IL17RD: variants seen among roughly 807,000 people sequenced by gnomAD.
IL17RD encodes interleukin 17 receptor D, also known as interleukin-17 receptor D.
IL17RD carries 52 observed loss-of-function variants against 80.5 expected under a neutral mutation model. That is an observed-to-expected ratio of 0.65 (90% CI 0.52 to 0.81). IL17RD has a LOEUF of 0.81. IL17RD is among the 40% of genes least tolerant of loss of function. The pLI is 0.00. For synonymous variants in IL17RD, 416 were observed against 391.8 expected (o/e 1.06, Z -0.73); for missense variants, 1,024 against 955.1 (o/e 1.07, Z -0.95).
At chr3:57,134,759 G>A (rs549807795) in intron 1 of IL17RD, 189 of 506,528 alleles carry the variant, frequency 3.7e-4, no homozygotes, top group African/African-American at 3.4e-3. Context: ...TGGCCTCAGC[G>A]ATTACGTAGA....
In IL17RD at chr3:57,090,847, A is replaced by C. The variant is rs942834752; in HGVS notation, c.*5546T>G. ...CTGAATCTTCCTGAAATTTTATAGG[A>C]TATAAACATCAGATATGCAGTCATA... On this transcript the variant is annotated 3_prime_UTR_variant, in exon 13 of 13. Coordinates refer to ENST00000296318, the MANE Select transcript of IL17RD (RefSeq NM_017563.5). The C allele has an allele frequency of 2.6e-5, 4 of 152,244 alleles. No individual in the cohort carries two copies. Among genetic ancestry groups the C allele is most frequent in the Non-Finnish European group, 5.9e-5 (4 of 68,044 alleles). 9.4% of individuals were successfully genotyped at this position (152,244 alleles called of 1,614,324 possible).
chr3:57,139,723 G>A (rs1330181729), intron 1 of IL17RD, among the ~76,000 whole-genome samples: 1 of 152,086 alleles, frequency 6.6e-6, no homozygotes, highest in Admixed American at 6.6e-5. Context: ...ATGTTGGCCA[G>A]GCTGGCCTTG....
At chr3:57,105,501 C>G (rs1396279561) in intron 7 of IL17RD, among the ~76,000 whole-genome samples, 1 of 120,772 alleles carries the variant, frequency 8.3e-6, no homozygotes, top group African/African-American at 3.2e-5. Context: ...CACACCACTG[C>G]ACTCCAGCCT....
Position 57,113,011 on chromosome 3 carries a change from T to C in IL17RD, c.310+1681A>G, listed in dbSNP as rs150692740. Among the ~76,000 whole-genome samples the C allele has an allele frequency of 1.7e-3, 261 of 152,296 alleles. 2 individuals are homozygous for C. The highest frequency in any genetic ancestry group is 6.2e-3 in the African/African-American group (256 of 41,560). On this transcript the variant is annotated intron_variant, in intron 3 of 12. Coordinates refer to ENST00000296318, the MANE Select transcript of IL17RD (RefSeq NM_017563.5). ...ATCTCCCCTCTACAGATTGGGAAGCTGGGGTTCAGTGAGGTTCAATGCCTC... is the reference window on the plus strand; with the variant it reads ...ATCTCCCCTCTACAGATTGGGAAGCCGGGGTTCAGTGAGGTTCAATGCCTC...
chr3:57,116,238 G>T (rs1322561361), intron 2 of IL17RD, among the ~76,000 whole-genome samples: 1 of 150,220 alleles, frequency 6.7e-6, no homozygotes, highest in Admixed American at 6.6e-5. Flanking sequence ...ACTCAACTCC[G>T]TCAGCTTCAA....
At chr3:57,116,061 C>T (rs556997243) in intron 2 of IL17RD, among the ~76,000 whole-genome samples, 3 of 152,218 alleles carry the variant, frequency 2.0e-5, no homozygotes, top group African/African-American at 7.2e-5. Flanking sequence ...TAATGAATAC[C>T]CTTCCAAGCC....
At chr3:57,130,765 C>T (rs1707589746) in intron 1 of IL17RD, among the ~76,000 whole-genome samples, 1 of 152,176 alleles carries the variant, frequency 6.6e-6, no homozygotes, top group South Asian at 2.1e-4. Flanking sequence ...AAACATCCCC[C>T]TGAGATGCAG....
chr3:57,121,157 T>C (rs774326416), intron 1 of IL17RD, among the ~76,000 whole-genome samples: 4 of 152,210 alleles, frequency 2.6e-5, no homozygotes, highest in Admixed American at 2.6e-4. Flanking sequence ...CTCCAAAATA[T>C]GTTAATTCTG....
chr3:57,105,452 G>A (rs781633584), intron 7 of IL17RD, among the ~76,000 whole-genome samples: 12 of 147,718 alleles, frequency 8.1e-5, no homozygotes, highest in Admixed American at 2.7e-4. Context: ...CAGGAGAATC[G>A]TTTGAACCCA....
chr3:57,153,185 ACACTG>A, intron 1 of IL17RD, among the ~76,000 whole-genome samples: 1 of 152,362 alleles, frequency 6.6e-6, no homozygotes, highest in African/African-American at 2.4e-5. Context: ...TTAATGTGAA[ACACTG>A]CATTTTTAAA....
chr3:57,133,248 G>A (rs1707650406), intron 1 of IL17RD, among the ~76,000 whole-genome samples: 1 of 152,210 alleles, frequency 6.6e-6, no homozygotes, highest in Admixed American at 6.5e-5. Flanking sequence ...CAGGCAATCG[G>A]AAGGATATAT....
chr3:57,115,032 C>T (rs559618370), intron 2 of IL17RD, among the ~76,000 whole-genome samples: 1 of 152,228 alleles, frequency 6.6e-6, no homozygotes, highest in African/African-American at 2.4e-5. Flanking sequence ...ACCACCACCA[C>T]CACCCACTCA....
Position 57,096,154 on chromosome 3 carries a change from G to T in IL17RD, c.*239C>A. 1 of 497,852 alleles carries T rather than the reference G, an allele frequency of 2.0e-6. No homozygotes were observed. The highest frequency in any genetic ancestry group is 3.4e-5 in the East Asian group (1 of 29,064). The allele number at this position is 497,852 out of a possible 1,614,324, so 30.8% of individuals were successfully genotyped here. ...AAGGACTAACCAAATTTGGCAAGCT[G>T]TTGTCAGACCTTATGGACATGCCTT... On this transcript the variant is annotated 3_prime_UTR_variant, in exon 13 of 13. Transcript: ENST00000296318.
Position 57,165,094 on chromosome 3 carries a change from G to A in IL17RD, c.126+67C>T, listed in dbSNP as rs1462547979. ...GGTTGGCGCGGGCTCGCCTCCCCGC[G>A]AGCACCTGTGCGCGCTGCGTCCCCC... On this transcript the variant is annotated intron_variant, in intron 1 of 12. Coordinates refer to ENST00000296318, the MANE Select transcript of IL17RD (RefSeq NM_017563.5). 14 of 1,406,958 alleles carry A rather than the reference G, an allele frequency of 1.0e-5. No homozygotes were observed. In the South Asian group the frequency reaches 1.8e-4, roughly 18 times the overall value. The allele number at this position is 1,406,958 out of a possible 1,614,324, so 87.2% of individuals were successfully genotyped here.
chr3:57,152,937 G>A (rs1043832209), intron 1 of IL17RD, among the ~76,000 whole-genome samples: 5 of 152,260 alleles, frequency 3.3e-5, no homozygotes, highest in South Asian at 2.1e-4. Context: ...CCGTAAACCT[G>A]CCCCGGCCAA....
chr3:57,164,437 C>G (rs767086546), intron 1 of IL17RD, among the ~76,000 whole-genome samples: 1 of 152,220 alleles, frequency 6.6e-6, no homozygotes, highest in African/African-American at 2.4e-5. Flanking sequence ...AGTCTGGGCA[C>G]CTCTCCAGTC....
At chr3:57,127,317 A>AAT (rs1283085195) in intron 1 of IL17RD, among the ~76,000 whole-genome samples, 36 of 79,760 alleles carry the variant, frequency 4.5e-4, no homozygotes, top group African/African-American at 2.7e-3. Flanking sequence ...AATATATAAA[A>AAT]ATATATATAA....
Position 57,091,439 on chromosome 3 carries a change from G to A in IL17RD, c.*4954C>T, listed in dbSNP as rs1200892688. On this transcript the variant is annotated 3_prime_UTR_variant, in exon 13 of 13. Transcript: ENST00000296318. The stretch of plus-strand genomic sequence containing the variant: ...TTAAGTGGTAAGAGGAGCTGGGTGT[G>A]CAAGAATTTCCCCATAATCCCCATC... 1 of 152,606 alleles carries A rather than the reference G, an allele frequency of 6.6e-6. No homozygotes were observed. Among genetic ancestry groups the A allele is most frequent in the Non-Finnish European group, 1.5e-5 (1 of 68,046 alleles). 9.5% of individuals were successfully genotyped at this position (152,606 alleles called of 1,614,324 possible).
At chr3:57,101,775 G>A (rs773913059) in intron 10 of IL17RD, among the ~76,000 whole-genome samples, 5 of 152,164 alleles carry the variant, frequency 3.3e-5, no homozygotes, top group Non-Finnish European at 5.9e-5. Context: ...TAAATCTTAA[G>A]TGTACATCTC....
Sources: allele counts gnomAD v4.1 joint callset (sites outside exome capture counted in the v4.1 genomes callset), GRCh38; gene constraint gnomAD v4.1.1; transcripts MANE v1.5; gene names NCBI Gene and HGNC (gene_info 2026-07-23, HGNC 2026-07-21).